KCNG2: variants seen among roughly 807,000 people sequenced by gnomAD.
The protein encoded by KCNG2 is voltage-gated potassium channel regulatory subunit KCNG2.
In KCNG2, 7 loss-of-function variants were observed where a neutral mutation model predicts 12.3. The observed-to-expected ratio is 0.57, with a 90% CI of 0.32 to 1.07. KCNG2 has a LOEUF of 1.07. KCNG2 is among the 50% of genes least tolerant of loss of function. The probability of loss-of-function intolerance (pLI) is 0.04; values close to 1 mark genes in which losing one functional copy is unlikely to be tolerated. For synonymous variants in KCNG2, 414 were observed against 351.4 expected, an observed-to-expected ratio of 1.18 and a Z score of -1.99; for missense variants, 703 against 726.0, an observed-to-expected ratio of 0.97 and a Z score of 0.36.
chr18:79,882,111 A>G (rs1980319772), intron 3 of KCNG2, among the ~76,000 whole-genome samples: 1 of 152,252 alleles, frequency 6.6e-6, no homozygotes, highest in African/African-American at 2.4e-5. Context: ...GTAGAAGAAA[A>G]CATAGAGGTG....
chr18:79,869,950 G>A (rs1979765121), intron 3 of KCNG2, among the ~76,000 whole-genome samples: 1 of 152,238 alleles, frequency 6.6e-6, no homozygotes, highest in Non-Finnish European at 1.5e-5. Flanking sequence ...GACACACACG[G>A]GTCTGAGGTC....
At chr18:79,898,603 G>A (rs1159798899) in intron 3 of KCNG2, among the ~76,000 whole-genome samples, 1 of 152,220 alleles carries the variant, frequency 6.6e-6, no homozygotes, top group African/African-American at 2.4e-5. Context: ...TGTGTTCGTG[G>A]CTGCAGCCAT....
chr18:79,876,096 G>T (rs1367324679), intron 3 of KCNG2: 1 of 152,334 alleles, frequency 6.6e-6, no homozygotes, highest in Non-Finnish European at 1.5e-5. Context: ...GCAGCGGAAG[G>T]TCTGCGGCAT....
intron 1 of KCNG2, among the ~76,000 whole-genome samples, chr18:79,838,786 G>C (rs954239396): frequency 6.6e-6 from 1 of 152,174 alleles, no homozygotes; most frequent in Admixed American, 6.5e-5. Flanking sequence ...ATCAAAATTT[G>C]TGAGACCAAG....
Position 79,884,713 on chromosome 18 carries a change from C to T in KCNG2, c.625-14327C>T, listed in dbSNP as rs1182809622. On this transcript the variant is annotated intron_variant, in intron 3 of 3. Transcript: ENST00000316249. This position sits in a 1 kb window ranked among gnomAD's most constrained non-coding sequence, Gnocchi z 5.5. Reference sequence around the variant, plus strand: ...CCCAAGGCCCACAGACACGTGGCTTCGTGATGGGGAGCCACGGGGGCAGGG... The same window carrying T: ...CCCAAGGCCCACAGACACGTGGCTTTGTGATGGGGAGCCACGGGGGCAGGG... Among the ~76,000 whole-genome samples the T allele has an allele frequency of 6.6e-6, 1 of 152,156 alleles. No homozygotes were observed. The highest frequency in any genetic ancestry group is 1.5e-5 in the Non-Finnish European group (1 of 68,034).
rs1980424597 is a variant in KCNG2, at chr18:79,884,076, C to T, written c.625-14964C>T. Among the ~76,000 whole-genome samples, 1 of 152,014 alleles carries T rather than the reference C, an allele frequency of 6.6e-6. No individual in the cohort carries two copies. Among genetic ancestry groups the T allele is most frequent in the South Asian group, 2.1e-4 (1 of 4,826 alleles). On this transcript the variant is annotated intron_variant, in intron 3 of 3. Transcript: ENST00000316249. This position sits in a 1 kb window ranked among gnomAD's most constrained non-coding sequence, Gnocchi z 5.5. ...CCATCTTTTCTTCTCCCAGTGCCTC[C>T]CGGAGGCTGGGCCCTCTTCTCCCAC... is the stretch of plus-strand genomic sequence containing the variant.
intron 1 of KCNG2, among the ~76,000 whole-genome samples, chr18:79,804,886 T>C (rs1428711343): frequency 6.6e-6 from 1 of 152,230 alleles, no homozygotes; most frequent in Non-Finnish European, 1.5e-5. Flanking sequence ...ATTGCAACTG[T>C]CCAGAGGTAA....
chr18:79,870,381 C>A (rs1036639356), intron 3 of KCNG2, among the ~76,000 whole-genome samples: 4 of 152,178 alleles, frequency 2.6e-5, no homozygotes, highest in African/African-American at 9.7e-5. Context: ...AGGATTGCAC[C>A]AGTGTTGGCT....
At chr18:79,897,835 G>A (rs573688068) in intron 3 of KCNG2, among the ~76,000 whole-genome samples, 19 of 152,098 alleles carry the variant, frequency 1.2e-4, no homozygotes, top group Admixed American at 3.9e-4. Flanking sequence ...GTGTGCCACC[G>A]TCACCCTGGG....
chr18:79,830,416 T>A (rs1160363077), intron 1 of KCNG2, among the ~76,000 whole-genome samples: 1 of 152,244 alleles, frequency 6.6e-6, no homozygotes, highest in East Asian at 1.9e-4. Context: ...TGGGACATCA[T>A]CTTTTCCAAT....
intron 3 of KCNG2, among the ~76,000 whole-genome samples, chr18:79,891,987 A>G (rs1161309100): frequency 8.6e-5 from 13 of 152,010 alleles, no homozygotes. Flanking sequence ...CAGTGGTGCA[A>G]GCCTGTAGTC....
chr18:79,828,655 G>GTA (rs1000875957), intron 1 of KCNG2, among the ~76,000 whole-genome samples: 5 of 152,034 alleles, frequency 3.3e-5, no homozygotes. Flanking sequence ...ATGTCTGTGT[G>GTA]TGCCTGTGTG....
At chr18:79,866,252 TGA>T (rs1224067790) in intron 3 of KCNG2, among the ~76,000 whole-genome samples, 2 of 143,366 alleles carry the variant, frequency 1.4e-5, no homozygotes, top group Non-Finnish European at 3.0e-5. Flanking sequence ...GTCTGTGTGC[TGA>T]GAGGTCTGTG....
At chr18:79,842,672 A>G (rs1978497476) in intron 1 of KCNG2, among the ~76,000 whole-genome samples, 2 of 152,256 alleles carry the variant, frequency 1.3e-5, no homozygotes, top group South Asian at 4.1e-4. Context: ...GATAGAAAGC[A>G]TAAAAAAGAC....
chr18:79,856,330 G>A (rs754360642), intron 1 of KCNG2, among the ~76,000 whole-genome samples, 49 bp from the exon 2 acceptor site: 7 of 152,202 alleles, frequency 4.6e-5, no homozygotes, highest in Non-Finnish European at 8.8e-5. Context: ...CAGTAATAAC[G>A]CAGGTGACTC....
At chr18:79,888,163 A>G (rs1271448096) in intron 3 of KCNG2, among the ~76,000 whole-genome samples, 3 of 150,754 alleles carry the variant, frequency 2.0e-5, no homozygotes, top group African/African-American at 7.3e-5. Context: ...CCTAGGCCTC[A>G]GGGGTGGAGG....
chr18:79,879,474 A>C (rs1210627942), intron 3 of KCNG2, among the ~76,000 whole-genome samples: 3 of 148,442 alleles, frequency 2.0e-5, no homozygotes, highest in Non-Finnish European at 4.5e-5. Flanking sequence ...TGTGTCCATG[A>C]AACAAGAACA....
chr18:79,881,113 C>T (rs1189025099), intron 3 of KCNG2, among the ~76,000 whole-genome samples: 1 of 152,222 alleles, frequency 6.6e-6, no homozygotes, highest in Non-Finnish European at 1.5e-5. Context: ...AGCAGTGAAG[C>T]AAGGAAAGTA....
chr18:79,839,627 C>T (rs1978401890), intron 1 of KCNG2, among the ~76,000 whole-genome samples: 1 of 152,196 alleles, frequency 6.6e-6, no homozygotes. Context: ...CACTGGAGAA[C>T]ATCTAAACAA....
Sources: allele counts gnomAD v4.1 joint callset (sites outside exome capture counted in the v4.1 genomes callset), GRCh38; gene constraint gnomAD v4.1.1; non-coding constraint Gnocchi (gnomAD v3.1); transcripts MANE v1.5; gene names NCBI Gene and HGNC (gene_info 2026-07-23, HGNC 2026-07-21).